PCDHA13: variants seen among roughly 807,000 people sequenced by gnomAD.
PCDHA13 encodes the protein protocadherin alpha-13.
A neutral mutation model predicts 64.8 loss-of-function variants in PCDHA13; 54 were observed. The ratio of observed to expected loss-of-function variants is 0.83; its 90% CI spans 0.67 to 1.04. The LOEUF is 1.04. Among genes scored for constraint, PCDHA13 ranks in the 50% least tolerant of loss-of-function variants. The pLI is 0.00. For missense variants in PCDHA13, 1,248 were observed against 1,254.3 expected (o/e 0.99, Z 0.08); for synonymous variants, 587 against 564.4 (o/e 1.04, Z -0.57).
At chr5:140,988,959 C>G (rs1308701267) in intron 3 of PCDHA13, 3 of 152,056 alleles carry the variant, frequency 2.0e-5, no homozygotes, top group Non-Finnish European at 4.4e-5. Context: ...CCTTCAAGCC[C>G]CACGATGGAG....
intron 1 of PCDHA13, among the ~76,000 whole-genome samples, chr5:140,949,692 T>A (rs1563239592): frequency 6.6e-6 from 1 of 151,854 alleles, no homozygotes; most frequent in Non-Finnish European, 1.5e-5. Flanking sequence ...AGCGTATTGT[T>A]GGATCTTGCT....
chr5:140,999,523 C>T (rs115576128), intron 3 of PCDHA13, among the ~76,000 whole-genome samples: 1 of 152,026 alleles, frequency 6.6e-6, no homozygotes, highest in Non-Finnish European at 1.5e-5. Context: ...CATTTTGTTA[C>T]CCCCTGGATA....
chr5:140,941,207 C>CTTCCTTTCTTTCTT (rs1563185091), intron 1 of PCDHA13, among the ~76,000 whole-genome samples: 2 of 103,272 alleles, frequency 1.9e-5, no homozygotes, highest in African/African-American at 1.2e-4. Flanking sequence ...TTCTTCCTTT[C>CTTCCTTTCTTTCTT]TTTCTTCCTT....
chr5:140,930,012 A>G (rs1369011586), intron 1 of PCDHA13: 1 of 152,208 alleles, frequency 6.6e-6, no homozygotes, highest in Non-Finnish European at 1.5e-5. Context: ...CATAGCTGAT[A>G]GCTCCATAGC....
chr5:140,927,209 A>G, intron 1 of PCDHA13: 2 of 1,614,092 alleles, frequency 1.2e-6, no homozygotes, highest in Non-Finnish European at 1.7e-6. Context: ...GACCCGCTGG[A>G]GCTGCACAAG....
intron 1 of PCDHA13, among the ~76,000 whole-genome samples, chr5:140,963,771 G>A (rs2095789886): frequency 6.6e-6 from 1 of 152,164 alleles, no homozygotes; most frequent in South Asian, 2.1e-4. Context: ...ATTTCATGAC[G>A]ACAGCAACAA....
At chr5:140,908,103 TC>T (rs1554193224) in intron 1 of PCDHA13, among the ~76,000 whole-genome samples, 2 of 152,192 alleles carry the variant, frequency 1.3e-5, no homozygotes, top group Non-Finnish European at 2.9e-5. Flanking sequence ...TGAAGTTCTG[TC>T]CACTGGGAAG....
chr5:140,907,083 G>T (rs770380704), intron 1 of PCDHA13, among the ~76,000 whole-genome samples: 56 of 152,144 alleles, frequency 3.7e-4, no homozygotes, highest in Non-Finnish European at 7.1e-4. Context: ...AGGGGTGATG[G>T]TAAGTGGTGC....
rs1487503403 is a variant in PCDHA13 at position 140,941,191 on chromosome 5, T to TTTCTTTC, written c.2395-37756_2395-37755insCTTTCTT. Among the ~76,000 whole-genome samples, 158 of 93,240 alleles carry TTTCTTTC rather than the reference T, an allele frequency of 1.7e-3. 2 individuals carry two copies. Among genetic ancestry groups the TTTCTTTC allele is most frequent in the South Asian group, 0.011 (38 of 3,542 alleles). 61.2% of individuals were successfully genotyped at this position (93,240 alleles called of 152,430 possible). A position where few individuals can be genotyped will look rare whatever the true frequency, so the allele number is the denominator to read the frequency against. ...CATCTTGAACATCCTGCTTCTTTTT[T>TTTCTTTC]TTTCTTTCTTCCTTTCTTTCTTCCT... On this transcript the variant is annotated intron_variant, in intron 1 of 3. Transcript: ENST00000289272.
At chr5:140,932,471 A>G (rs1056932090) in intron 1 of PCDHA13, among the ~76,000 whole-genome samples, 11 of 152,050 alleles carry the variant, frequency 7.2e-5, no homozygotes, top group African/African-American at 1.7e-4. Flanking sequence ...TATAGGAAAT[A>G]GGATATCTCC....
At chr5:140,916,186 G>A (rs1321442931) in intron 1 of PCDHA13, among the ~76,000 whole-genome samples, 3 of 152,160 alleles carry the variant, frequency 2.0e-5, no homozygotes, top group Admixed American at 6.5e-5. Flanking sequence ...CTTCAAGGAA[G>A]TGGGCACCCC....
chr5:140,998,743 T>A (rs2097832293), intron 3 of PCDHA13, among the ~76,000 whole-genome samples: 1 of 152,138 alleles, frequency 6.6e-6, no homozygotes, highest in Non-Finnish European at 1.5e-5. Flanking sequence ...TTTGTATTTT[T>A]AGAAGAGACA....
chr5:140,954,543 A>G (rs1344952646), intron 1 of PCDHA13, among the ~76,000 whole-genome samples: 1 of 151,924 alleles, frequency 6.6e-6, no homozygotes, highest in Non-Finnish European at 1.5e-5. Flanking sequence ...TTTTTTTCAT[A>G]TGTTTGTTGG....
intron 1 of PCDHA13, among the ~76,000 whole-genome samples, chr5:140,899,251 G>T (rs1322090098): frequency 2.6e-5 from 4 of 152,082 alleles, no homozygotes; most frequent in African/African-American, 9.7e-5. Flanking sequence ...GTGAGAGAGG[G>T]CATCCCTGTC....
chr5:140,936,944 T>A (rs900789474), intron 1 of PCDHA13, among the ~76,000 whole-genome samples: 3 of 152,226 alleles, frequency 2.0e-5, no homozygotes, highest in African/African-American at 7.2e-5. Flanking sequence ...AATATCTTAT[T>A]TTGATCTTTA....
At chr5:140,895,904 C>CG (rs2065248350) in intron 1 of PCDHA13, among the ~76,000 whole-genome samples, 2 of 152,138 alleles carry the variant, frequency 1.3e-5, no homozygotes, top group Non-Finnish European at 2.9e-5. Flanking sequence ...CTCCGCGTCC[C>CG]GGGCTCAACA....
At chr5:140,997,673 TG>T (rs1554255971) in intron 3 of PCDHA13, among the ~76,000 whole-genome samples, 41 of 149,136 alleles carry the variant, frequency 2.7e-4, no homozygotes, top group African/African-American at 9.9e-4. Context: ...ACAGCTTGTG[TG>T]TGTGTGTGTG....
At chr5:140,975,213 G>A (rs1205237242) in intron 1 of PCDHA13, among the ~76,000 whole-genome samples, 2 of 152,178 alleles carry the variant, frequency 1.3e-5, no homozygotes, top group African/African-American at 4.8e-5. Context: ...GGCTGGCACT[G>A]GAGAATCTTC....
At chr5:140,983,178 A>G (rs1302819191) in intron 3 of PCDHA13, among the ~76,000 whole-genome samples, 2 of 152,158 alleles carry the variant, frequency 1.3e-5, no homozygotes, top group Admixed American at 6.5e-5. Context: ...CCGCCTCACA[A>G]TTTCTTAGTT....
Sources: gnomAD v4.1 joint callset for allele counts (sites outside exome capture counted in the v4.1 genomes callset) on GRCh38, gnomAD v4.1.1 for gene constraint, MANE v1.5 for transcripts, NCBI Gene and HGNC (gene_info 2026-07-23, HGNC 2026-07-21) for gene names.